ANK2: variants seen among roughly 807,000 people sequenced by gnomAD.
ANK2 encodes the protein ankyrin 2, also known as ankyrin-2.
ANK2 carries 83 observed loss-of-function variants against 360.5 expected under a neutral mutation model. The ratio of observed to expected loss-of-function variants is 0.23; its 90% CI spans 0.19 to 0.28. The LOEUF (loss-of-function observed/expected upper bound fraction) is 0.28. Among genes scored for constraint, ANK2 ranks in the 10% least tolerant of loss-of-function variants. ANK2 has a pLI of 1.00. For missense variants in ANK2, 4,201 were observed against 4,795.7 expected (o/e 0.88, Z 3.66); for synonymous variants, 1,740 against 1,759.5 (o/e 0.99, Z 0.28).
chr4:112,940,462 C>A (rs1353835031), intron 2 of ANK2, among the ~76,000 whole-genome samples: 6 of 152,130 alleles, frequency 3.9e-5, no homozygotes, highest in Non-Finnish European at 5.9e-5. Context: ...TCTATCTGAA[C>A]ACACACAGAG....
At chr4:112,824,805 A>G (rs1371107090) in intron 1 of ANK2, among the ~76,000 whole-genome samples, 2 of 152,130 alleles carry the variant, frequency 1.3e-5, no homozygotes, top group South Asian at 2.1e-4. Flanking sequence ...CCCTGCTTTT[A>G]GCATATTTTT....
At position 112,826,585 on chromosome 4, in the gene ANK2, C is replaced by T. The variant is rs989207057; in HGVS notation, c.-40+8321C>T. On this transcript the variant is annotated intron_variant, in intron 1 of 30. Transcript: ENST00000503271. ...GTCCTTTCACAACCAGCTGGGATTC[C>T]ACAGGCAGTTAAAGTCAAGCAACTA... 15 of 1,430,550 alleles carry T rather than the reference C, an allele frequency of 1.0e-5. No individual in the cohort carries two copies. In the South Asian group the frequency reaches 1.9e-4, roughly 18 times the overall value. 88.6% of individuals were successfully genotyped at this position (1,430,550 alleles called of 1,614,324 possible). A position where few individuals can be genotyped will look rare whatever the true frequency, so the allele number is the denominator to read the frequency against.
intron 23 of ANK2, among the ~76,000 whole-genome samples, chr4:113,305,952 A>G (rs1418798739): frequency 3.9e-5 from 6 of 152,244 alleles, no homozygotes; most frequent in Non-Finnish European, 8.8e-5. Context: ...ATCATAAGGT[A>G]AGACTTTACA....
intron 2 of ANK2, among the ~76,000 whole-genome samples, chr4:112,943,122 G>T (rs2094342910): frequency 6.6e-6 from 1 of 151,960 alleles, no homozygotes; most frequent in Non-Finnish European, 1.5e-5. Context: ...TGTGAACAGG[G>T]GCGTGGCAGA....
chr4:113,087,411 C>A (rs2085393799), intron 1 of ANK2, among the ~76,000 whole-genome samples: 1 of 152,146 alleles, frequency 6.6e-6, no homozygotes, highest in East Asian at 1.9e-4. Flanking sequence ...ATTTTCCAAA[C>A]TTTACAATAA....
the ANK2 span, among the ~76,000 whole-genome samples, chr4:112,723,347 C>T: frequency 6.6e-6 from 1 of 152,092 alleles, no homozygotes; most frequent in Non-Finnish European, 1.5e-5. Context: ...ACACCTGGCT[C>T]CTCAAGATTT....
chr4:113,284,531 C>T (rs564106895), intron 18 of ANK2, among the ~76,000 whole-genome samples: 14 of 152,286 alleles, frequency 9.2e-5, no homozygotes, highest in African/African-American at 2.6e-4. Flanking sequence ...TCCTCCTTTA[C>T]GGTATTCTTC....
At chr4:112,748,140 C>T in the ANK2 span, among the ~76,000 whole-genome samples, 1 of 152,060 alleles carries the variant, frequency 6.6e-6, no homozygotes, top group Admixed American at 6.6e-5. Context: ...ATGTAGAACA[C>T]GAAGAGCTCT....
In ANK2 at chr4:113,262,880, G is replaced by A. The variant is rs915609197; in HGVS notation, c.1387-2017G>A. On this transcript the variant is annotated intron_variant, in intron 13 of 45. Coordinates refer to ENST00000357077, the MANE Select transcript of ANK2 (RefSeq NM_001148.6). ...GACCAATCCCTCACCAATACAGAGG[G>A]ACAACTGTAGTTAGAAGATTTTAGC... Among the ~76,000 whole-genome samples, 34 of 151,856 alleles carry A rather than the reference G, an allele frequency of 2.2e-4. 1 individual carries two copies. Among genetic ancestry groups the A allele is most frequent in the African/African-American group, 8.0e-4 (33 of 41,266 alleles).
chr4:113,081,543 A>G (rs1397555135), intron 1 of ANK2, among the ~76,000 whole-genome samples: 2 of 152,200 alleles, frequency 1.3e-5, no homozygotes, highest in Non-Finnish European at 2.9e-5. Context: ...TTTTTAATGC[A>G]AAAATTTTAT....
the ANK2 span, among the ~76,000 whole-genome samples, chr4:112,742,518 G>A: frequency 2.6e-5 from 4 of 152,046 alleles, no homozygotes; most frequent in Non-Finnish European, 5.9e-5. Context: ...CCTTGATAAG[G>A]AGGAGTTTGA....
At chr4:113,169,047 A>T (rs568456443) in intron 1 of ANK2, among the ~76,000 whole-genome samples, 1 of 152,086 alleles carries the variant, frequency 6.6e-6, no homozygotes, top group East Asian at 1.9e-4. Flanking sequence ...CTTCACATTT[A>T]AAAAAAGTCA....
At chr4:113,233,106 GTTTTTTTTTTTTTTTTTTTTTTTTTTT>G (rs1156385030) in intron 5 of ANK2, among the ~76,000 whole-genome samples, 12 of 79,710 alleles carry the variant, frequency 1.5e-4, no homozygotes, top group South Asian at 4.3e-4. Context: ...TGGCTTTTCT[GTTTTTTTTTTTTTTTTTTTTTTTTTTT>G]TTTTTTTTTT....
At chr4:113,254,641 A>C (rs2048326754) in intron 10 of ANK2, among the ~76,000 whole-genome samples, 1 of 152,252 alleles carries the variant, frequency 6.6e-6, no homozygotes, top group East Asian at 1.9e-4. Flanking sequence ...AGATTATTTC[A>C]AAATATATGA....
At chr4:112,888,852 C>T (rs966298019) in intron 1 of ANK2, among the ~76,000 whole-genome samples, 1 of 152,198 alleles carries the variant, frequency 6.6e-6, no homozygotes, top group African/African-American at 2.4e-5. Context: ...GTGGTACCAA[C>T]ATGTATCATG....
At chr4:113,080,882 G>A (rs1021669144) in intron 1 of ANK2, among the ~76,000 whole-genome samples, 1 of 152,158 alleles carries the variant, frequency 6.6e-6, no homozygotes, top group Non-Finnish European at 1.5e-5. Context: ...GAATGGAGAG[G>A]AAGAGGATGG....
the ANK2 span, among the ~76,000 whole-genome samples, chr4:112,779,067 C>T: frequency 1.3e-5 from 2 of 152,172 alleles, no homozygotes; most frequent in African/African-American, 2.4e-5. Context: ...AATATGTCAT[C>T]ATTCAGTTTG....
intron 1 of ANK2, among the ~76,000 whole-genome samples, chr4:113,144,561 A>G (rs2096757926): frequency 6.6e-6 from 1 of 151,844 alleles, no homozygotes; most frequent in Non-Finnish European, 1.5e-5. Flanking sequence ...CTTCCAATTC[A>G]ATACTTTTTT....
At chr4:113,311,474 TA>T in intron 24 of ANK2, 75 bp downstream of exon 24, 1 of 1,549,710 alleles carries the variant, frequency 6.5e-7, no homozygotes, top group Non-Finnish European at 8.8e-7. Context: ...GATAAAAATG[TA>T]GATGCAATTA....
Sources: allele counts gnomAD v4.1 joint callset (sites outside exome capture counted in the v4.1 genomes callset), GRCh38; gene constraint gnomAD v4.1.1; transcripts MANE v1.5; gene names NCBI Gene and HGNC (gene_info 2026-07-23, HGNC 2026-07-21).